Variants in YES1 observed in about 807,000 individuals in gnomAD.
The protein encoded by YES1 is YES proto-oncogene 1, Src family tyrosine kinase.
Under a neutral mutation model 70.4 loss-of-function variants are expected in YES1, and 39 were observed. That is an observed-to-expected ratio of 0.55 (90% CI 0.43 to 0.72). The LOEUF (loss-of-function observed/expected upper bound fraction) is 0.72, where lower values mean the gene tolerates loss of function less well. Among genes scored for constraint, YES1 ranks in the 30% least tolerant of loss-of-function variants. The pLI is 0.00. For synonymous variants in YES1, 198 were observed against 218.6 expected, an observed-to-expected ratio of 0.91 and a Z score of 0.83; for missense variants, 495 against 644.8, an observed-to-expected ratio of 0.77 and a Z score of 2.52.
At chr18:761,883 G>A (rs1311142071) in intron 1 of YES1, among the ~76,000 whole-genome samples, 1 of 152,214 alleles carries the variant, frequency 6.6e-6, no homozygotes, top group Non-Finnish European at 1.5e-5. Context: ...TTTATGGGTT[G>A]TCTTAGAAAC....
chr18:784,200 G>GT (rs1905822872), intron 1 of YES1, among the ~76,000 whole-genome samples: 1 of 152,036 alleles, frequency 6.6e-6, no homozygotes, highest in African/African-American at 2.4e-5. Context: ...AATAATTATT[G>GT]TTTTCATTAC....
intron 1 of YES1, among the ~76,000 whole-genome samples, chr18:758,187 C>T (rs558785776): frequency 8.5e-5 from 13 of 152,108 alleles, no homozygotes; most frequent in African/African-American, 3.1e-4. Flanking sequence ...CAACATGTAA[C>T]CGATATAAAC....
intron 3 of YES1, among the ~76,000 whole-genome samples, chr18:749,245 G>A (rs910346994): frequency 5.3e-5 from 8 of 152,116 alleles, no homozygotes; most frequent in African/African-American, 1.9e-4. Flanking sequence ...TGCAATCCCA[G>A]TACTTTGGGA....
intron 1 of YES1, among the ~76,000 whole-genome samples, chr18:810,502 C>A (rs1907318731): frequency 6.6e-6 from 1 of 152,154 alleles, no homozygotes; most frequent in Non-Finnish European, 1.5e-5. Flanking sequence ...ATGAAGTCAG[C>A]AAAACCTAAC....
intron 1 of YES1, among the ~76,000 whole-genome samples, chr18:764,485 G>T (rs1904766868): frequency 1.3e-5 from 2 of 152,174 alleles, no homozygotes; most frequent in South Asian, 4.1e-4. Flanking sequence ...GCCTCCCAAA[G>T]TGCTGGGATT....
rs191016980 is a variant in YES1 at position 768,524 on chromosome 18, A to C, written c.-8-11689T>G. Among the ~76,000 whole-genome samples the C allele has an allele frequency of 4.6e-5, 7 of 152,290 alleles. No individual in the cohort carries two copies. In the East Asian group the frequency reaches 1.3e-3, roughly 29 times the overall value. On this transcript the variant is annotated intron_variant, in intron 1 of 11. Transcript: ENST00000314574. ...AGCTTATCTCTAGACACTATGGTTTATGCCATTATAAATGTTACTACTTTA... is the reference window on the plus strand; with the variant it reads ...AGCTTATCTCTAGACACTATGGTTTCTGCCATTATAAATGTTACTACTTTA...
At chr18:729,905 G>GTT (rs2080068518) in intron 11 of YES1, among the ~76,000 whole-genome samples, 1 of 152,138 alleles carries the variant, frequency 6.6e-6, no homozygotes, top group Non-Finnish European at 1.5e-5. Flanking sequence ...GATTACAGGC[G>GTT]TGAGCCACAG....
intron 1 of YES1, among the ~76,000 whole-genome samples, chr18:760,745 T>C (rs1904549444): frequency 6.6e-6 from 1 of 152,194 alleles, no homozygotes; most frequent in African/African-American, 2.4e-5. Flanking sequence ...GTAAGTAGTT[T>C]CATAATCTAA....
chr18:763,774 TGTATAA>T (rs1264994261), intron 1 of YES1, among the ~76,000 whole-genome samples: 7 of 143,578 alleles, frequency 4.9e-5, no homozygotes, highest in South Asian at 2.2e-4. Flanking sequence ...AAATGAGAAG[TGTATAA>T]GTATAATAAT....
chr18:723,490 T>C lies in YES1; in HGVS notation c.*934A>G, dbSNP rs2079983501. 6.6e-6 allele frequency: 1 copy of C among 152,664 alleles called. No homozygotes were observed. The highest frequency in any genetic ancestry group is 1.5e-5 in the Non-Finnish European group (1 of 68,028). 9.5% of individuals were successfully genotyped at this position (152,664 alleles called of 1,614,324 possible). On this transcript the variant is annotated 3_prime_UTR_variant, in exon 12 of 12. Coordinates refer to ENST00000314574, the MANE Select transcript of YES1 (RefSeq NM_005433.4). The stretch of plus-strand genomic sequence containing the variant: ...CATTCAAGTCCCTGATCTGGTCATA[T>C]TTTCTATTTGTGGCACCCATCCCCA...
chr18:725,836 A>G (rs1377700388), intron 11 of YES1, among the ~76,000 whole-genome samples: 5 of 152,152 alleles, frequency 3.3e-5, no homozygotes, highest in African/African-American at 1.2e-4. Context: ...GTGAGCCGAG[A>G]TTGCGCCATA....
chr18:743,546 C>CA, intron 6 of YES1, 131 bp from the exon 7 acceptor site: 2 of 690,930 alleles, frequency 2.9e-6, no homozygotes, highest in Non-Finnish European at 4.4e-6. Context: ...TCTAAAAGCA[C>CA]AAAACAAAAA....
chr18:742,816 TA>T, intron 8 of YES1, 101 bp downstream of exon 8: 1 of 930,818 alleles, frequency 1.1e-6, no homozygotes, highest in Non-Finnish European at 1.5e-6. Context: ...TATGTCTACA[TA>T]AAAATCTTAA....
At chr18:725,962 G>C (rs2080013776) in intron 11 of YES1, among the ~76,000 whole-genome samples, 1 of 152,136 alleles carries the variant, frequency 6.6e-6, no homozygotes, top group African/African-American at 2.4e-5. Flanking sequence ...AAGGAGAAAA[G>C]GAGTAAGGGA....
chr18:788,588 A>G (rs1474463763), intron 1 of YES1, among the ~76,000 whole-genome samples: 1 of 152,220 alleles, frequency 6.6e-6, no homozygotes, highest in Non-Finnish European at 1.5e-5. Context: ...AACAACATTA[A>G]GAATTTTTGT....
At chr18:809,600 C>G (rs1251002047) in intron 1 of YES1, among the ~76,000 whole-genome samples, 1 of 152,128 alleles carries the variant, frequency 6.6e-6, no homozygotes, top group African/African-American at 2.4e-5. Context: ...CGTGCCCAGC[C>G]TGACGTGTTC....
At chr18:740,845 TATTA>T (rs1336969667) in intron 8 of YES1, among the ~76,000 whole-genome samples, 9 of 152,232 alleles carry the variant, frequency 5.9e-5, no homozygotes, top group African/African-American at 2.2e-4. Context: ...CTAAATGGGC[TATTA>T]GCCTTACCTT....
intron 1 of YES1, among the ~76,000 whole-genome samples, chr18:811,893 G>C (rs1393606717): frequency 6.6e-6 from 1 of 152,176 alleles, no homozygotes; most frequent in Non-Finnish European, 1.5e-5. Flanking sequence ...GGTCTGGACA[G>C]GGCAGAGACC....
At chr18:774,592 A>AC (rs1350982872) in intron 1 of YES1, among the ~76,000 whole-genome samples, 5 of 151,738 alleles carry the variant, frequency 3.3e-5, no homozygotes, top group African/African-American at 9.7e-5. Context: ...CTCCTCAGTA[A>AC]CCCCCCGGCC....
Sources: gnomAD v4.1 joint callset for allele counts (sites outside exome capture counted in the v4.1 genomes callset) on GRCh38, gnomAD v4.1.1 for gene constraint, MANE v1.5 for transcripts, NCBI Gene and HGNC (gene_info 2026-07-23, HGNC 2026-07-21) for gene names.